NTM: variants seen among roughly 807,000 people sequenced by gnomAD.
NTM encodes the protein IgLON family member 2.
Under a neutral mutation model 42.1 loss-of-function variants are expected in NTM, and 13 were observed. The observed-to-expected ratio is 0.31, with a 90% confidence interval of 0.20 to 0.49. The LOEUF is 0.49. Ranked by LOEUF, NTM falls within the 20% of genes least tolerant of loss-of-function variation. NTM has a pLI of 0.99. For synonymous variants in NTM, 187 were observed against 179.2 expected, an observed-to-expected ratio of 1.04 and a Z score of -0.35; for missense variants, 373 against 452.8, an observed-to-expected ratio of 0.82 and a Z score of 1.60.
At chr11:132,256,933 T>C (rs1025989913) in intron 4 of NTM, among the ~76,000 whole-genome samples, 6 of 152,290 alleles carry the variant, frequency 3.9e-5, no homozygotes, top group Admixed American at 3.3e-4. Context: ...CTCTCCAATA[T>C]TTCCTTTATC....
At chr11:131,948,896 G>A (rs1014682594) in intron 2 of NTM, among the ~76,000 whole-genome samples, 1 of 152,184 alleles carries the variant, frequency 6.6e-6, no homozygotes, top group South Asian at 2.1e-4. Context: ...ATACAGTACC[G>A]TTAATTCTAG....
intron 3 of NTM, among the ~76,000 whole-genome samples, chr11:132,163,629 T>C (rs1393679511): frequency 6.6e-6 from 1 of 152,184 alleles, no homozygotes; most frequent in African/African-American, 2.4e-5. Flanking sequence ...GTCTGACTCT[T>C]CACAGCCTCC....
intron 2 of NTM, among the ~76,000 whole-genome samples, chr11:132,066,934 G>A (rs939958546): frequency 6.6e-6 from 1 of 151,246 alleles, no homozygotes; most frequent in African/African-American, 2.4e-5. Context: ...CAGGGATTAG[G>A]ATGTGCATGG....
chr11:131,567,184 G>A (rs2056976800), intron 1 of NTM, among the ~76,000 whole-genome samples: 1 of 151,960 alleles, frequency 6.6e-6, no homozygotes, highest in South Asian at 2.1e-4. Context: ...GAGATGCTTG[G>A]TGGGAAACCT....
At chr11:132,084,777 A>G (rs148599488) in intron 2 of NTM, among the ~76,000 whole-genome samples, 2 of 152,340 alleles carry the variant, frequency 1.3e-5, no homozygotes, top group Admixed American at 1.3e-4. Flanking sequence ...AGGCAAACAA[A>G]AATATTTCAT....
intron 3 of NTM, among the ~76,000 whole-genome samples, chr11:132,184,689 G>A (rs896382150): frequency 5.3e-5 from 8 of 152,128 alleles, no homozygotes; most frequent in African/African-American, 1.9e-4. Context: ...CTTCAAAACT[G>A]CATTTTTTCT....
At chr11:132,134,733 A>ATC (rs2067494364) in intron 2 of NTM, among the ~76,000 whole-genome samples, 2 of 77,576 alleles carry the variant, frequency 2.6e-5, no homozygotes, top group South Asian at 4.1e-4. Flanking sequence ...ATATATATAT[A>ATC]TATATATATA....
At chr11:132,238,866 T>C (rs2089625834) in intron 4 of NTM, among the ~76,000 whole-genome samples, 1 of 152,186 alleles carries the variant, frequency 6.6e-6, no homozygotes, top group Non-Finnish European at 1.5e-5. Context: ...TCCCAGGGGA[T>C]GCTGATGTTG....
At chr11:132,144,898 C>T (rs1287808867) in intron 2 of NTM, among the ~76,000 whole-genome samples, 1 of 152,214 alleles carries the variant, frequency 6.6e-6, no homozygotes, top group Non-Finnish European at 1.5e-5. Context: ...TATCCCTGTG[C>T]ACCTAAGTGA....
chr11:131,760,863 C>G (rs1334000481), intron 1 of NTM, among the ~76,000 whole-genome samples: 1 of 152,140 alleles, frequency 6.6e-6, no homozygotes, highest in Admixed American at 6.5e-5. Flanking sequence ...ACTGTGCCCA[C>G]GATGCTGGAG....
chr11:132,126,983 TG>T (rs1483657552), intron 2 of NTM, among the ~76,000 whole-genome samples: 1 of 152,188 alleles, frequency 6.6e-6, no homozygotes, highest in East Asian at 1.9e-4. Context: ...CGGGCCTTAT[TG>T]TCAGTCTTTT....
At chr11:132,248,218 C>A (rs1489237135) in intron 4 of NTM, among the ~76,000 whole-genome samples, 1 of 152,180 alleles carries the variant, frequency 6.6e-6, no homozygotes, top group Non-Finnish European at 1.5e-5. Context: ...TCATCCTTCT[C>A]CTGGCTTGTC....
intron 2 of NTM, among the ~76,000 whole-genome samples, chr11:132,040,236 C>A (rs892745393): frequency 1.3e-5 from 2 of 152,192 alleles, no homozygotes; most frequent in African/African-American, 4.8e-5. Flanking sequence ...AGTAGGATTA[C>A]AGACGTGAGC....
chr11:131,904,025 A>G (rs2053530687), intron 1 of NTM, among the ~76,000 whole-genome samples: 1 of 152,200 alleles, frequency 6.6e-6, no homozygotes, highest in Non-Finnish European at 1.5e-5. Context: ...TGATGGGCTG[A>G]GTTGAAACTA....
rs1388052736 is a variant in NTM, at chr11:132,336,694, G to GAA, written c.*1550_*1551dup. The GAA allele has an allele frequency of 6.7e-6, 1 of 150,276 alleles. No individual in the cohort carries two copies. The highest frequency in any genetic ancestry group is 1.5e-5 in the Non-Finnish European group (1 of 67,540). The allele number at this position is 150,276 out of a possible 1,614,324, so 9.3% of individuals were successfully genotyped here. A position where few individuals can be genotyped will look rare whatever the true frequency, so the allele number is the denominator to read the frequency against. ...ATCTTTTTTTTTTTTCCCCTCCCCTGAAAGTCTGGGAACCTGAGAGTCCTC... is the reference window on the plus strand; with the variant it reads ...ATCTTTTTTTTTTTTCCCCTCCCCTGAAAAAGTCTGGGAACCTGAGAGTCCTC... On this transcript the variant is annotated 3_prime_UTR_variant, in exon 9 of 9. Transcript: ENST00000683400.
At chr11:132,183,005 C>A (rs1344121082) in intron 3 of NTM, among the ~76,000 whole-genome samples, 22 of 152,172 alleles carry the variant, frequency 1.4e-4, no homozygotes, top group Admixed American at 1.4e-3. Context: ...GCATTTTCCT[C>A]CCTGATACCC....
At chr11:132,166,307 T>C (rs1443048778) in intron 3 of NTM, among the ~76,000 whole-genome samples, 1 of 152,182 alleles carries the variant, frequency 6.6e-6, no homozygotes, top group Admixed American at 6.5e-5. Flanking sequence ...CCTCATGGTC[T>C]CTATTAGTGA....
intron 4 of NTM, among the ~76,000 whole-genome samples, chr11:132,251,794 T>C: frequency 6.6e-6 from 1 of 152,204 alleles, no homozygotes; most frequent in East Asian, 1.9e-4. Context: ...ATTTCAAGCC[T>C]ACTACTTATG....
At chr11:131,542,066 A>G (rs2053341740) in intron 1 of NTM, among the ~76,000 whole-genome samples, 1 of 152,210 alleles carries the variant, frequency 6.6e-6, no homozygotes, top group Non-Finnish European at 1.5e-5. Flanking sequence ...CTAGAGGGTT[A>G]GAGAGATCAA....
Sources: allele counts gnomAD v4.1 joint callset (sites outside exome capture counted in the v4.1 genomes callset), GRCh38; gene constraint gnomAD v4.1.1; transcripts MANE v1.5; gene names NCBI Gene and HGNC (gene_info 2026-07-23, HGNC 2026-07-21).